DCC: variants seen among roughly 807,000 people sequenced by gnomAD.
DCC encodes netrin receptor DCC.
DCC carries 58 observed loss-of-function variants against 172.5 expected under a neutral mutation model. That is an observed-to-expected ratio of 0.34 (90% CI 0.27 to 0.42). The LOEUF is 0.42. Among genes scored for constraint, DCC ranks in the 10% least tolerant of loss-of-function variants. The pLI, the probability that DCC is intolerant of heterozygous loss-of-function variation, is 1.00. For synonymous variants in DCC, 709 were observed against 644.5 expected (o/e 1.10, Z -1.52); for missense variants, 1,740 against 1,791.0 (o/e 0.97, Z 0.51).
intron 27 of DCC, among the ~76,000 whole-genome samples, chr18:53,524,958 T>A (rs962970851): frequency 6.6e-6 from 1 of 152,050 alleles, no homozygotes; most frequent in East Asian, 1.9e-4. Flanking sequence ...AATAGTAATA[T>A]ATAATATTAT....
At chr18:53,167,181 A>G (rs2054934653) in intron 8 of DCC, among the ~76,000 whole-genome samples, 1 of 152,176 alleles carries the variant, frequency 6.6e-6, no homozygotes, top group Non-Finnish European at 1.5e-5. Flanking sequence ...AGTTGTAACT[A>G]AATGTTAACA....
intron 1 of DCC, among the ~76,000 whole-genome samples, chr18:52,733,531 G>A (rs753598121): frequency 6.6e-6 from 1 of 152,018 alleles, no homozygotes; most frequent in Non-Finnish European, 1.5e-5. Context: ...GTCTCACTCT[G>A]TTGCCCGAGC....
chr18:52,747,789 G>A (rs1438648504), intron 1 of DCC, among the ~76,000 whole-genome samples: 1 of 152,192 alleles, frequency 6.6e-6, no homozygotes, highest in Non-Finnish European at 1.5e-5. Context: ...AGTACACTAA[G>A]AGAAAGGGTT....
chr18:52,659,157 G>T (rs961372588), intron 1 of DCC, among the ~76,000 whole-genome samples: 7 of 152,114 alleles, frequency 4.6e-5, no homozygotes, highest in Non-Finnish European at 7.3e-5. Context: ...AGCAGAAACA[G>T]ATGGAACTCA....
intron 8 of DCC, among the ~76,000 whole-genome samples, chr18:53,163,520 T>G (rs1213964441): frequency 6.6e-6 from 1 of 152,218 alleles, no homozygotes; most frequent in East Asian, 1.9e-4. Flanking sequence ...CGTTGTGAAT[T>G]TAACATTTAT....
chr18:52,661,814 TC>T (rs1441427618), intron 1 of DCC, among the ~76,000 whole-genome samples: 1 of 152,016 alleles, frequency 6.6e-6, no homozygotes, highest in Non-Finnish European at 1.5e-5. Flanking sequence ...CAGAAAACAA[TC>T]TCAAATAAAA....
intron 7 of DCC, among the ~76,000 whole-genome samples, chr18:53,128,979 C>T (rs1334116388): frequency 1.3e-5 from 2 of 151,008 alleles, no homozygotes; most frequent in Non-Finnish European, 2.9e-5. Context: ...CTGCATCTCC[C>T]AGGTTCAAGC....
chr18:53,205,183 TTTTC>T (rs775302797), intron 9 of DCC, 29 bp from the exon 10 acceptor site: 11 of 1,589,300 alleles, frequency 6.9e-6, no homozygotes, highest in African/African-American at 4.0e-5. Flanking sequence ...TCCTAATCAC[TTTTC>T]TTTCTTTCTT....
chr18:53,176,992 T>C (rs557677285), intron 8 of DCC, among the ~76,000 whole-genome samples: 1 of 152,156 alleles, frequency 6.6e-6, no homozygotes, highest in Non-Finnish European at 1.5e-5. Flanking sequence ...TGGAATACTA[T>C]GCGGCCATAA....
intron 1 of DCC, among the ~76,000 whole-genome samples, chr18:52,507,373 T>C (rs2031270938): frequency 6.6e-6 from 1 of 152,204 alleles, no homozygotes; most frequent in East Asian, 1.9e-4. Flanking sequence ...CTGATTGCAC[T>C]GAAGGTTGAT....
intron 27 of DCC, among the ~76,000 whole-genome samples, chr18:53,515,519 G>T (rs2046322584): frequency 6.8e-6 from 1 of 147,840 alleles, no homozygotes; most frequent in Non-Finnish European, 1.5e-5. Flanking sequence ...GTCCCTGTTT[G>T]CAGACGACAT....
intron 15 of DCC, among the ~76,000 whole-genome samples, chr18:53,343,965 G>A (rs1459139921): frequency 6.6e-6 from 1 of 151,690 alleles, no homozygotes; most frequent in Non-Finnish European, 1.5e-5. Flanking sequence ...GTTATCTATG[G>A]TTATTAACTG....
At chr18:53,211,455 G>T (rs139004087) in intron 11 of DCC, among the ~76,000 whole-genome samples, 2 of 152,212 alleles carry the variant, frequency 1.3e-5, no homozygotes, top group Admixed American at 6.5e-5. Flanking sequence ...CAGGCATGGT[G>T]GCTCACTCTT....
chr18:52,454,212 G>A (rs1263621779), intron 1 of DCC, among the ~76,000 whole-genome samples: 2 of 152,114 alleles, frequency 1.3e-5, no homozygotes, highest in African/African-American at 4.8e-5. Context: ...GAATAAAAGA[G>A]CTCTAAAACA....
chr18:52,834,228 T>G (rs994412702), intron 2 of DCC, among the ~76,000 whole-genome samples: 3 of 151,736 alleles, frequency 2.0e-5, no homozygotes, highest in African/African-American at 7.3e-5. Context: ...TCTCCAGCTC[T>G]TTTTAGGAAG....
intron 12 of DCC, among the ~76,000 whole-genome samples, chr18:53,277,852 G>A (rs188968487): frequency 1.8e-4 from 28 of 152,246 alleles, no homozygotes; most frequent in African/African-American, 5.5e-4. Context: ...GAGAGTCCAC[G>A]GGATAGCAAT....
chr18:52,912,698 T>C (rs559310673), intron 3 of DCC, among the ~76,000 whole-genome samples: 4 of 152,186 alleles, frequency 2.6e-5, no homozygotes, highest in Admixed American at 2.0e-4. Flanking sequence ...TCATTACCCA[T>C]GAACAATTCT....
chr18:52,446,483 C>T (rs377137017), intron 1 of DCC, among the ~76,000 whole-genome samples: 64 of 152,266 alleles, frequency 4.2e-4, no homozygotes, highest in African/African-American at 1.5e-3. Context: ...TCAGATTTTT[C>T]ATTGACTTTG....
intron 1 of DCC, among the ~76,000 whole-genome samples, chr18:52,544,153 C>T (rs1318600937): frequency 6.6e-6 from 1 of 152,194 alleles, no homozygotes; most frequent in Non-Finnish European, 1.5e-5. Flanking sequence ...GCTTATCCCA[C>T]CCGTGCCTAA....
Sources: gnomAD v4.1 joint callset for allele counts (sites outside exome capture counted in the v4.1 genomes callset) on GRCh38, gnomAD v4.1.1 for gene constraint, MANE v1.5 for transcripts, NCBI Gene and HGNC (gene_info 2026-07-23, HGNC 2026-07-21) for gene names.